GRIN2B: variants seen among roughly 807,000 people sequenced by gnomAD.
GRIN2B encodes the protein glutamate ionotropic receptor NMDA type subunit 2B.
In GRIN2B, 5 loss-of-function variants were observed where a neutral mutation model predicts 114.5. That is an observed-to-expected ratio of 0.04 (90% CI 0.02 to 0.09). The LOEUF (loss-of-function observed/expected upper bound fraction) is 0.09. Among genes scored for constraint, GRIN2B ranks in the 10% least tolerant of loss-of-function variants. The pLI, the probability that GRIN2B is intolerant of heterozygous loss-of-function variation, is 1.00. For synonymous variants in GRIN2B, 787 were observed against 745.1 expected (o/e 1.06, Z -0.92); for missense variants, 1,108 against 1,943.5 (o/e 0.57, Z 8.08).
chr12:13,634,208 G>A (rs1169991759), intron 5 of GRIN2B: 8 of 152,152 alleles, frequency 5.3e-5, no homozygotes, highest in Non-Finnish European at 8.8e-5. Flanking sequence ...CAGGGGATAC[G>A]GTAGGGGATA....
intron 3 of GRIN2B, among the ~76,000 whole-genome samples, chr12:13,795,722 C>T (rs1178035872): frequency 2.6e-5 from 4 of 152,032 alleles, no homozygotes; most frequent in African/African-American, 7.2e-5. Flanking sequence ...GAAAATGTGG[C>T]GCATATACAC....
chr12:13,571,308 A>G (rs576324938), intron 11 of GRIN2B, among the ~76,000 whole-genome samples: 2 of 152,270 alleles, frequency 1.3e-5, no homozygotes, highest in Admixed American at 1.3e-4. Flanking sequence ...ATGAACTCCT[A>G]TGAATGGACA....
chr12:13,639,327 TGCAGTG>T (rs1949691622), intron 5 of GRIN2B, among the ~76,000 whole-genome samples: 1 of 152,100 alleles, frequency 6.6e-6, no homozygotes, highest in South Asian at 2.1e-4. Context: ...ACAAAGATTC[TGCAGTG>T]GTAGAGGCAG....
chr12:13,554,149 C>G lies in GRIN2B; in HGVS notation c.*8634G>C, dbSNP rs1235814943. On this transcript the variant is annotated 3_prime_UTR_variant, in exon 14 of 14. Coordinates refer to ENST00000609686, the MANE Select transcript of GRIN2B (RefSeq NM_000834.5). ...TAATGCCTTTCATATACAAGGCACT[C>G]TGTTTAGTGCTACAGGAGATAAAAA... 6.6e-6 allele frequency: 1 copy of G among 152,104 alleles called. No homozygotes were observed. Among genetic ancestry groups the G allele is most frequent in the Non-Finnish European group, 1.5e-5 (1 of 68,016 alleles). The allele number at this position is 152,104 out of a possible 1,614,324, so 9.4% of individuals were successfully genotyped here. A position where few individuals can be genotyped will look rare whatever the true frequency, so the allele number is the denominator to read the frequency against.
chr12:13,725,541 A>G (rs553858945), intron 4 of GRIN2B, among the ~76,000 whole-genome samples: 36 of 152,270 alleles, frequency 2.4e-4, no homozygotes, highest in African/African-American at 7.9e-4. Flanking sequence ...GGGCCACAGC[A>G]TGAGCAAGAC....
intron 3 of GRIN2B, among the ~76,000 whole-genome samples, chr12:13,861,932 G>A (rs1865759106): frequency 6.6e-6 from 1 of 152,148 alleles, no homozygotes; most frequent in African/African-American, 2.4e-5. Context: ...CACTTGCCAT[G>A]TATCACCTCA....
chr12:13,678,540 G>A (rs957229975), intron 4 of GRIN2B, among the ~76,000 whole-genome samples: 1 of 151,954 alleles, frequency 6.6e-6, no homozygotes, highest in African/African-American at 2.4e-5. Flanking sequence ...TTCCTCATAT[G>A]CCATGGCTTC....
intron 4 of GRIN2B, among the ~76,000 whole-genome samples, chr12:13,711,684 A>G (rs1048289432): frequency 1.3e-5 from 2 of 152,144 alleles, no homozygotes; most frequent in African/African-American, 4.8e-5. Context: ...ATGAGATACC[A>G]TCTCACACCA....
At chr12:13,865,234 C>T (rs574547839) in intron 3 of GRIN2B, among the ~76,000 whole-genome samples, 9 of 152,274 alleles carry the variant, frequency 5.9e-5, no homozygotes, top group Non-Finnish European at 1.0e-4. Context: ...CGTCAACATC[C>T]CTTAGTCATT....
chr12:13,932,987 G>GTGTGTGCA (rs1555158847), intron 2 of GRIN2B, among the ~76,000 whole-genome samples: 1 of 92,042 alleles, frequency 1.1e-5, no homozygotes, highest in Middle Eastern at 5.6e-3. Flanking sequence ...GTGTGTGTGT[G>GTGTGTGCA]CGTGTGCGTG....
chr12:13,778,874 A>C (rs1482947928), intron 3 of GRIN2B, among the ~76,000 whole-genome samples: 1 of 151,150 alleles, frequency 6.6e-6, no homozygotes, highest in African/African-American at 2.5e-5. Flanking sequence ...TCCATTCTTG[A>C]TCAAATATTT....
chr12:13,683,112 T>C (rs1591674303), intron 4 of GRIN2B, among the ~76,000 whole-genome samples: 1 of 152,044 alleles, frequency 6.6e-6, no homozygotes, highest in South Asian at 2.1e-4. Flanking sequence ...TAGGGAACAA[T>C]GCTCTCTAGA....
intron 3 of GRIN2B, among the ~76,000 whole-genome samples, chr12:13,845,068 AG>A (rs1013419715): frequency 9.9e-5 from 15 of 152,132 alleles, no homozygotes; most frequent in African/African-American, 3.6e-4. Context: ...TGAGGAGTAA[AG>A]GGGCTGACTT....
At chr12:13,791,472 A>G (rs1435527601) in intron 3 of GRIN2B, among the ~76,000 whole-genome samples, 2 of 151,620 alleles carry the variant, frequency 1.3e-5, no homozygotes, top group Non-Finnish European at 2.9e-5. Flanking sequence ...ATAAAAAAAA[A>G]AAATTCCATG....
chr12:13,981,031 A>G (rs766325536), intron 1 of GRIN2B, among the ~76,000 whole-genome samples: 1 of 152,010 alleles, frequency 6.6e-6, no homozygotes, highest in Non-Finnish European at 1.5e-5. Flanking sequence ...CAACGTGTCG[A>G]TTGGACGGAT....
chr12:13,660,407 C>A (rs1949910519), intron 5 of GRIN2B, among the ~76,000 whole-genome samples: 3 of 152,154 alleles, frequency 2.0e-5, no homozygotes, highest in Non-Finnish European at 4.4e-5. Flanking sequence ...TCTTAGCACC[C>A]AGCACAGAGT....
At position 13,851,623 on chromosome 12, in the gene GRIN2B, T is replaced by G. The variant is rs573239337; in HGVS notation, c.411+14175A>C. On this transcript the variant is annotated intron_variant, in intron 3 of 13. Transcript: ENST00000609686. Reference sequence around the variant, plus strand: ...AACAATAATAAAATAAAATCTCCCCTGTTGATTTCAAAGTCAACCACTACC... The same window carrying G: ...AACAATAATAAAATAAAATCTCCCCGGTTGATTTCAAAGTCAACCACTACC... Among the ~76,000 whole-genome samples, 4 of 152,316 alleles carry G rather than the reference T, an allele frequency of 2.6e-5. No homozygotes were observed. In the South Asian group the frequency reaches 8.3e-4, roughly 32 times the overall value.
At chr12:13,948,383 G>T (rs1248105713) in intron 2 of GRIN2B, among the ~76,000 whole-genome samples, 1 of 152,196 alleles carries the variant, frequency 6.6e-6, no homozygotes, top group Non-Finnish European at 1.5e-5. Flanking sequence ...AAGATGCTGA[G>T]ATGTGTTCCT....
chr12:13,871,645 G>C (rs1352553032), intron 2 of GRIN2B, among the ~76,000 whole-genome samples: 1 of 148,716 alleles, frequency 6.7e-6, no homozygotes. Context: ...AATAACAAAT[G>C]AATGAAACAC....
Sources: allele counts gnomAD v4.1 joint callset (sites outside exome capture counted in the v4.1 genomes callset), GRCh38; gene constraint gnomAD v4.1.1; transcripts MANE v1.5; gene names NCBI Gene and HGNC (gene_info 2026-07-23, HGNC 2026-07-21).